Variants in TAS2R1 observed in about 807,000 individuals in gnomAD.
TAS2R1 encodes taste 2 receptor member 1, also known as taste receptor type 2 member 1.
For synonymous variants in TAS2R1, 141 were observed against 134.2 expected (o/e 1.05, Z -0.35); for missense variants, 370 against 353.4 (o/e 1.05, Z -0.38).
Position 9,629,143 on chromosome 5 carries a change from C to T in TAS2R1, c.890G>A (p.Cys297Tyr). The change falls in exon 1 of 1, where the codon TGC becomes TAC. Residue 297 changes from cysteine to tyrosine, a missense_variant. By Grantham distance (194) the Cys-to-Tyr change is radical. Transcript: ENST00000382492. ...GATCCAACTTCTCTCTCACTGACAG[C>T]ACTTACTGTGGAGGAGGAACTTTTT... ...NAKKFLLHSK[C>Y]CQ 6.4e-7 allele frequency: 1 copy of T among 1,559,066 alleles called. No individual in the cohort carries two copies. Among genetic ancestry groups the T allele is most frequent in the South Asian group, 1.2e-5 (1 of 81,554 alleles).
chr5:9,636,446 T>C (rs1459053862), intron 2 of TAS2R1, among the ~76,000 whole-genome samples: 1 of 152,178 alleles, frequency 6.6e-6, no homozygotes, highest in African/African-American at 2.4e-5. Context: ...TAAATATCTA[T>C]TAAGTCCATT....
chr5:9,769,406 T>C, the TAS2R1 span, among the ~76,000 whole-genome samples: 2 of 152,200 alleles, frequency 1.3e-5, no homozygotes, highest in African/African-American at 4.8e-5. Flanking sequence ...TTTTATATAC[T>C]GATTTCTTTG....
At chr5:9,670,524 T>G (rs1292463943) in intron 1 of TAS2R1, among the ~76,000 whole-genome samples, 1 of 152,212 alleles carries the variant, frequency 6.6e-6, no homozygotes, top group African/African-American at 2.4e-5. Flanking sequence ...CTGGCATCTC[T>G]CTGAGCCTAC....
the TAS2R1 span, among the ~76,000 whole-genome samples, chr5:9,894,377 C>T: frequency 5.2e-5 from 5 of 96,334 alleles, no homozygotes; most frequent in African/African-American, 1.2e-4. Context: ...GTACTCCAGC[C>T]GTGAGACTCT....
chr5:9,643,456 T>C lies in TAS2R1; in HGVS notation c.-80-13464A>G, dbSNP rs192653002. Reference sequence around the variant, plus strand: ...TCATATGTGTGTAGGGCAATTACCATGAATGGAGCTTGCAGGACCGGAAGT... The same window carrying C: ...TCATATGTGTGTAGGGCAATTACCACGAATGGAGCTTGCAGGACCGGAAGT... On this transcript the variant is annotated intron_variant, in intron 2 of 2. Coordinates refer to the TAS2R1 transcript ENST00000506620. Among the ~76,000 whole-genome samples, 230 of 152,270 alleles carry C rather than the reference T, an allele frequency of 1.5e-3. 1 individual carries two copies. The highest frequency in any genetic ancestry group is 5.4e-3 in the African/African-American group (224 of 41,566).
At chr5:9,697,585 C>T (rs568736334) in intron 1 of TAS2R1, among the ~76,000 whole-genome samples, 1 of 152,084 alleles carries the variant, frequency 6.6e-6, no homozygotes, top group African/African-American at 2.4e-5. Flanking sequence ...AATTATTGAT[C>T]CTATTAATGC....
chr5:9,633,350 G>A (rs894763448), upstream of TAS2R1, among the ~76,000 whole-genome samples: 3 of 126,636 alleles, frequency 2.4e-5, no homozygotes, highest in Admixed American at 8.3e-5. Context: ...CTCATTCATC[G>A]ATGGGCATTT....
chr5:9,897,168 T>C, the TAS2R1 span, among the ~76,000 whole-genome samples: 3 of 152,202 alleles, frequency 2.0e-5, no homozygotes, highest in African/African-American at 7.2e-5. Flanking sequence ...CAGCTAGATA[T>C]GGCTGGGCAC....
the TAS2R1 span, among the ~76,000 whole-genome samples, chr5:9,744,761 T>C: frequency 6.6e-6 from 1 of 152,130 alleles, no homozygotes; most frequent in Non-Finnish European, 1.5e-5. Context: ...AAAGTGTTCT[T>C]TTTTCTTTAT....
chr5:9,789,366 G>C, the TAS2R1 span, among the ~76,000 whole-genome samples: 355 of 152,252 alleles, frequency 2.3e-3, 1 homozygote, highest in African/African-American at 8.3e-3. Flanking sequence ...TCTTCATTAA[G>C]CTGCCTTGAC....
At chr5:9,737,937 G>C in the TAS2R1 span, among the ~76,000 whole-genome samples, 2 of 152,170 alleles carry the variant, frequency 1.3e-5, no homozygotes, top group Non-Finnish European at 2.9e-5. Flanking sequence ...TCTGTCTGCT[G>C]TGATGTTATC....
chr5:9,655,326 C>T (rs1250203625), intron 2 of TAS2R1, among the ~76,000 whole-genome samples: 1 of 152,030 alleles, frequency 6.6e-6, no homozygotes, highest in Non-Finnish European at 1.5e-5. Context: ...AAAGGTTTAA[C>T]ATTTAAAGGA....
At chr5:9,701,837 C>T (rs1250306121) in intron 1 of TAS2R1, among the ~76,000 whole-genome samples, 1 of 152,110 alleles carries the variant, frequency 6.6e-6, no homozygotes, top group East Asian at 1.9e-4. Flanking sequence ...CATATTGTTA[C>T]CATTTATAAC....
chr5:9,795,075 A>C, the TAS2R1 span, among the ~76,000 whole-genome samples: 50,683 of 152,016 alleles, frequency 0.33, 9,570 homozygotes, highest in Admixed American at 0.44. Context: ...GTGGGGGGAC[A>C]GATATTCAAC....
chr5:9,684,024 G>A (rs1195048094), intron 1 of TAS2R1, among the ~76,000 whole-genome samples: 1 of 152,088 alleles, frequency 6.6e-6, no homozygotes, highest in Non-Finnish European at 1.5e-5. Context: ...GCAAAGTGGA[G>A]GTTTGAGCAA....
chr5:9,810,932 T>C, the TAS2R1 span, among the ~76,000 whole-genome samples: 1 of 152,184 alleles, frequency 6.6e-6, no homozygotes, highest in Non-Finnish European at 1.5e-5. Flanking sequence ...CTTTACCCAC[T>C]GGCTGAAGAC....
the TAS2R1 span, among the ~76,000 whole-genome samples, chr5:9,898,329 A>C: frequency 6.6e-6 from 1 of 152,182 alleles, no homozygotes; most frequent in Admixed American, 6.5e-5. Flanking sequence ...ATGGCACAAT[A>C]ATCTAATCTT....
chr5:9,847,720 T>A, the TAS2R1 span, among the ~76,000 whole-genome samples: 1 of 152,216 alleles, frequency 6.6e-6, no homozygotes, highest in East Asian at 1.9e-4. Flanking sequence ...GTATGCCTGA[T>A]GGTTGAGTTG....
intron 2 of TAS2R1, among the ~76,000 whole-genome samples, chr5:9,659,205 G>A (rs543974141): frequency 3.9e-5 from 6 of 152,042 alleles, no homozygotes; most frequent in African/African-American, 9.7e-5. Context: ...CCCTACACCC[G>A]TGTGACCCAG....
Sources: allele counts gnomAD v4.1 joint callset (sites outside exome capture counted in the v4.1 genomes callset), GRCh38; gene constraint gnomAD v4.1.1; transcripts MANE v1.5; gene names NCBI Gene and HGNC (gene_info 2026-07-23, HGNC 2026-07-21).